ZNF831: variants seen among roughly 807,000 people sequenced by gnomAD.
ZNF831 encodes chromosome 20 open reading frame 174.
ZNF831 carries 59 observed loss-of-function variants against 95.8 expected under a neutral mutation model. That is an observed-to-expected ratio of 0.62 (90% CI 0.50 to 0.77). ZNF831 has a LOEUF of 0.77. Ranked by LOEUF, ZNF831 falls within the 30% of genes least tolerant of loss-of-function variation. The pLI is 0.00. For missense variants in ZNF831, 2,205 were observed against 2,164.0 expected (o/e 1.02, Z -0.38); for synonymous variants, 961 against 925.5 (o/e 1.04, Z -0.70).
At chr20:59,185,676 G>T (rs1015686959) in intron 1 of ZNF831, among the ~76,000 whole-genome samples, 7 of 152,144 alleles carry the variant, frequency 4.6e-5, no homozygotes, top group Non-Finnish European at 1.0e-4. Flanking sequence ...GCACACTCCG[G>T]GCTGTTGATG....
chr20:59,214,163 A>C (rs183942929), intron 4 of ZNF831, among the ~76,000 whole-genome samples: 1 of 152,376 alleles, frequency 6.6e-6, no homozygotes, highest in East Asian at 1.9e-4. Flanking sequence ...GAAGATAAAC[A>C]GCAAATCCTC....
At chr20:59,123,615 G>A (rs761563918) in intron 1 of ZNF831, 2 of 152,536 alleles carry the variant, frequency 1.3e-5, no homozygotes, top group East Asian at 1.9e-4. Context: ...AAAGGTAGGG[G>A]TGTAGACAAA....
chr20:59,252,142 A>G (rs1427925876), intron 4 of ZNF831, among the ~76,000 whole-genome samples: 1 of 152,228 alleles, frequency 6.6e-6, no homozygotes, highest in Non-Finnish European at 1.5e-5. Flanking sequence ...CTAAAAGTCA[A>G]AAGACTCCCG....
chr20:59,224,232 C>T lies in ZNF831; in HGVS notation c.4027+17176C>T, dbSNP rs62204017. Among the ~76,000 whole-genome samples, 1,238 of 152,320 alleles carry T rather than the reference C, an allele frequency of 8.1e-3. 10 individuals carry two copies. Among genetic ancestry groups the T allele is most frequent in the Middle Eastern group, 0.024 (7 of 294 alleles). On this transcript the variant is annotated intron_variant, in intron 4 of 5. Transcript: ENST00000371030. ...CCTCCCAACAAGTGCGTGCTCTGCA[C>T]GCCCGGCTTCTCACCAGCCCAGGTA...
chr20:59,240,662 C>T (rs915790206), intron 4 of ZNF831, among the ~76,000 whole-genome samples: 1 of 151,686 alleles, frequency 6.6e-6, no homozygotes, highest in African/African-American at 2.4e-5. Context: ...ATTAGCCGGG[C>T]GTGGTGGCGG....
intron 2 of ZNF831, among the ~76,000 whole-genome samples, chr20:59,151,821 G>A (rs1204281397): frequency 1.3e-5 from 2 of 152,198 alleles, no homozygotes; most frequent in African/African-American, 2.4e-5. Context: ...ACGAGGGAAC[G>A]CTGAACCTTC....
chr20:59,168,313 T>C (rs939970731), intron 1 of ZNF831, among the ~76,000 whole-genome samples: 1 of 152,244 alleles, frequency 6.6e-6, no homozygotes, highest in African/African-American at 2.4e-5. Flanking sequence ...ACATGTTTTA[T>C]TAGATTTACA....
chr20:59,219,592 C>T (rs1209837596), intron 4 of ZNF831, among the ~76,000 whole-genome samples: 2 of 152,148 alleles, frequency 1.3e-5, no homozygotes, highest in African/African-American at 4.8e-5. Context: ...GCTTCCGACG[C>T]TCACCCCAAA....
At chr20:59,145,155 C>T (rs1237224089) in intron 1 of ZNF831, among the ~76,000 whole-genome samples, 1 of 152,214 alleles carries the variant, frequency 6.6e-6, no homozygotes, top group African/African-American at 2.4e-5. Context: ...GGTTAATTCC[C>T]AGCTGATAGT....
In ZNF831 at chr20:59,254,381, C is replaced by T. The variant is rs1988071459; in HGVS notation, c.4672C>T (p.Pro1558Ser). 1 of 1,614,100 alleles carries T rather than the reference C, an allele frequency of 6.2e-7. No individual in the cohort carries two copies. Among genetic ancestry groups the T allele is most frequent in the Non-Finnish European group, 8.5e-7 (1 of 1,180,026 alleles). ...SSGQRISDSV[P>S]LESTEKTHLE... ...TGGACAAAGAATTTCAGATTCGGTT[C>T]CACTGGAGTCAACTGAAAAAACTCA... Residue 1558 changes from proline (P) to serine (S), a missense_variant, in exon 6 of 6, where the codon CCA (proline) becomes TCA (serine). Coordinates refer to ENST00000371030, the MANE Select transcript of ZNF831 (RefSeq NM_178457.3). This position sits in a 1 kb window ranked among gnomAD's most constrained non-coding sequence, Gnocchi z 4.5.
Position 59,193,663 on chromosome 20 carries a change from T to TCCTCTGGAGC in ZNF831, c.2646_2655dup (p.Ser886LeufsTer45), listed in dbSNP as rs1568757317. 6.2e-7 allele frequency: 1 copy of TCCTCTGGAGC among 1,612,626 alleles called. No homozygotes were observed. The highest frequency in any genetic ancestry group is 8.5e-7 in the Non-Finnish European group (1 of 1,179,690). ...CAGGCAGGTGGGCGAGCCTCTGGAG[T>TCCTCTGGAGC]CCTCTGGAGCCTCCTTGGCTGCTGC... is the stretch of plus-strand genomic sequence containing the variant. On this transcript the variant is annotated frameshift_variant, in exon 2 of 6. Transcript: ENST00000371030. LOFTEE classifies it high-confidence loss of function.
intron 4 of ZNF831, among the ~76,000 whole-genome samples, chr20:59,228,168 T>G (rs1448608295): frequency 6.6e-6 from 1 of 152,196 alleles, no homozygotes; most frequent in Non-Finnish European, 1.5e-5. Context: ...TAGATATTGT[T>G]GTGTAGCAAA....
chr20:59,232,314 T>C lies in ZNF831; in HGVS notation c.4028-20664T>C, dbSNP rs147014705. On this transcript the variant is annotated intron_variant, in intron 4 of 5. Transcript: ENST00000371030. ...AGTGCAAACTGACATTAAATGGAGT[T>C]TAAAAAATGATCAGGGTTTTAAAAT... Among the ~76,000 whole-genome samples, 8 of 152,176 alleles carry C rather than the reference T, an allele frequency of 5.3e-5. No individual in the cohort carries two copies. The East Asian group carries it at 1.5e-3, about 29-fold the overall frequency.
intron 2 of ZNF831, 152 bp downstream of exon 2, chr20:59,194,909 T>A: frequency 8.8e-7 from 1 of 1,142,038 alleles, no homozygotes; most frequent in East Asian, 2.8e-5. Context: ...GGATACCACA[T>A]AGACAGCAGG....
intron 3 of ZNF831, among the ~76,000 whole-genome samples, chr20:59,204,448 C>T (rs968191528): frequency 8.5e-5 from 13 of 152,322 alleles, no homozygotes; most frequent in African/African-American, 2.9e-4. Flanking sequence ...GCCACAGCCC[C>T]AGAGCTTTGA....
intron 4 of ZNF831, among the ~76,000 whole-genome samples, chr20:59,222,636 G>C (rs1005462049): frequency 1.3e-5 from 2 of 152,200 alleles, no homozygotes; most frequent in African/African-American, 4.8e-5. Flanking sequence ...AGAAAGCGCA[G>C]AGGGCTGGGA....
chr20:59,136,969 T>G (rs1979530008), intron 1 of ZNF831, among the ~76,000 whole-genome samples: 1 of 152,184 alleles, frequency 6.6e-6, no homozygotes, highest in Non-Finnish European at 1.5e-5. Context: ...GCATCCACCT[T>G]CCACCCCTTT....
chr20:59,148,937 A>G (rs986101125), intron 2 of ZNF831, among the ~76,000 whole-genome samples: 1 of 152,128 alleles, frequency 6.6e-6, no homozygotes, highest in African/African-American at 2.4e-5. Flanking sequence ...TGTGCCTTGG[A>G]GAGCAGGTGC....
intron 1 of ZNF831, among the ~76,000 whole-genome samples, chr20:59,128,255 A>T (rs562474984): frequency 3.9e-5 from 6 of 152,242 alleles, no homozygotes; most frequent in Non-Finnish European, 8.8e-5. Flanking sequence ...GTATAATTAC[A>T]TATGGTAAAA....
Sources: allele counts gnomAD v4.1 joint callset (sites outside exome capture counted in the v4.1 genomes callset), GRCh38; gene constraint gnomAD v4.1.1; non-coding constraint Gnocchi (gnomAD v3.1); transcripts MANE v1.5; gene names NCBI Gene and HGNC (gene_info 2026-07-23, HGNC 2026-07-21).